FUT8: variants seen among roughly 807,000 people sequenced by gnomAD.
The protein encoded by FUT8 is fucosyltransferase 8.
Under a neutral mutation model 71.3 loss-of-function variants are expected in FUT8, and 29 were observed. The observed-to-expected ratio is 0.41, with a 90% CI of 0.30 to 0.55. The LOEUF (loss-of-function observed/expected upper bound fraction) is 0.55. FUT8 is among the 20% of genes least tolerant of loss of function. The pLI, the probability that FUT8 is intolerant of heterozygous loss-of-function variation, is 0.34. For missense variants in FUT8, 544 were observed against 702.1 expected, an observed-to-expected ratio of 0.77 and a Z score of 2.55; for synonymous variants, 254 against 239.3, an observed-to-expected ratio of 1.06 and a Z score of -0.57.
chr14:65,430,464 C>G (rs1163171018), intron 1 of FUT8, among the ~76,000 whole-genome samples: 1 of 152,082 alleles, frequency 6.6e-6, no homozygotes. Context: ...GACACTTTTT[C>G]TGTTCTGAAG....
At chr14:65,360,835 T>G in the FUT8 span, among the ~76,000 whole-genome samples, 1 of 152,124 alleles carries the variant, frequency 6.6e-6, no homozygotes, top group Non-Finnish European at 1.5e-5. Context: ...AGCACTGAAG[T>G]TGAGTTCACA....
intron 7 of FUT8, among the ~76,000 whole-genome samples, chr14:65,680,376 G>A (rs1368196360): frequency 1.3e-5 from 2 of 152,162 alleles, no homozygotes; most frequent in Non-Finnish European, 2.9e-5. Context: ...ATTTTCATGT[G>A]TCACATAAGA....
intron 1 of FUT8, among the ~76,000 whole-genome samples, chr14:65,428,787 C>T (rs1365516399): frequency 1.3e-5 from 2 of 152,160 alleles, no homozygotes; most frequent in Non-Finnish European, 2.9e-5. Context: ...GTGATTGAAA[C>T]TTGTTATGAA....
At position 65,638,675 on chromosome 14, in the gene FUT8, A is replaced by G. The variant is rs1181599625; in HGVS notation, c.597+9069A>G. 2.0e-5 allele frequency among the ~76,000 whole-genome samples: 3 copies of G among 152,184 alleles called. No homozygotes were observed. The highest frequency in any genetic ancestry group is 4.4e-5 in the Non-Finnish European group (3 of 68,026). ...ATGGAACCCCTCACTCCAACACAGG[A>G]TTTGCCTGATCTCATTTTTCTTTGA... On this transcript the variant is annotated intron_variant, in intron 6 of 10. Coordinates refer to ENST00000673929, the MANE Select transcript of FUT8 (RefSeq NM_001371533.1). This position sits in a 1 kb window ranked among gnomAD's most constrained non-coding sequence, Gnocchi z 4.5.
At chr14:65,378,081 A>G in the FUT8 span, among the ~76,000 whole-genome samples, 1 of 152,236 alleles carries the variant, frequency 6.6e-6, no homozygotes, top group Non-Finnish European at 1.5e-5. Flanking sequence ...GCTGTTACTT[A>G]TTATTTAACT....
At chr14:65,712,002 T>C (rs1894829782) in intron 7 of FUT8, among the ~76,000 whole-genome samples, 2 of 152,236 alleles carry the variant, frequency 1.3e-5, no homozygotes, top group African/African-American at 2.4e-5. Flanking sequence ...TTTAAACATA[T>C]TCTAGGTTTA....
chr14:65,676,984 G>T (rs961169023), intron 7 of FUT8, among the ~76,000 whole-genome samples: 1 of 152,046 alleles, frequency 6.6e-6, no homozygotes, highest in Non-Finnish European at 1.5e-5. Flanking sequence ...TAATTTCATG[G>T]AATAGGAAAT....
chr14:65,632,368 G>A (rs575781583), intron 6 of FUT8, among the ~76,000 whole-genome samples: 4 of 152,272 alleles, frequency 2.6e-5, no homozygotes, highest in South Asian at 2.1e-4. Flanking sequence ...TCTGATCACC[G>A]CATCCAGGCC....
At chr14:65,549,936 C>T (rs1049444141) in intron 2 of FUT8, among the ~76,000 whole-genome samples, 1 of 152,184 alleles carries the variant, frequency 6.6e-6, no homozygotes, top group Non-Finnish European at 1.5e-5. Flanking sequence ...TGGCGCGTGC[C>T]TGTAGTCCCA....
intron 5 of FUT8, among the ~76,000 whole-genome samples, 188 bp from the exon 6 acceptor site, chr14:65,629,304 G>A (rs1257707610): frequency 6.6e-6 from 1 of 152,136 alleles, no homozygotes; most frequent in Non-Finnish European, 1.5e-5. Context: ...ATTTACTATA[G>A]GAATGACTAT....
intron 7 of FUT8, among the ~76,000 whole-genome samples, chr14:65,719,014 C>G (rs145230377): frequency 6.6e-6 from 1 of 152,118 alleles, no homozygotes; most frequent in Non-Finnish European, 1.5e-5. Flanking sequence ...GTCTAGAATT[C>G]GGATGTTCTC....
At chr14:65,388,636 C>G in the FUT8 span, among the ~76,000 whole-genome samples, 3 of 152,066 alleles carry the variant, frequency 2.0e-5, no homozygotes, top group Non-Finnish European at 4.4e-5. Flanking sequence ...ATGGTGTGCA[C>G]CTGTAATCCC....
chr14:65,646,109 C>T (rs529575538), intron 6 of FUT8: 1 of 152,264 alleles, frequency 6.6e-6, no homozygotes, highest in East Asian at 1.9e-4. Flanking sequence ...TTTACAAAAA[C>T]ACATCCAGGT....
At chr14:65,554,463 A>G (rs898707316) in intron 2 of FUT8, among the ~76,000 whole-genome samples, 1 of 147,836 alleles carries the variant, frequency 6.8e-6, no homozygotes, top group Non-Finnish European at 1.5e-5. Flanking sequence ...CTATAGATCT[A>G]TATCTCATGG....
chr14:65,407,033 T>G (rs1228063730), upstream of FUT8, among the ~76,000 whole-genome samples: 1 of 152,184 alleles, frequency 6.6e-6, no homozygotes, highest in Non-Finnish European at 1.5e-5. Context: ...GCACTTAGGT[T>G]CCCGCTGTAG....
At chr14:65,567,260 A>C (rs1036191481) in intron 3 of FUT8, among the ~76,000 whole-genome samples, 1 of 151,980 alleles carries the variant, frequency 6.6e-6, no homozygotes, top group African/African-American at 2.4e-5. Flanking sequence ...TTTAAAAACC[A>C]CAAAGAATGT....
intron 9 of FUT8, among the ~76,000 whole-genome samples, chr14:65,725,521 A>G (rs1895636070): frequency 6.6e-6 from 1 of 152,236 alleles, no homozygotes; most frequent in Non-Finnish European, 1.5e-5. Context: ...ATTAAGGAGA[A>G]GAAAATTCTA....
chr14:65,653,181 G>T (rs1415227257), intron 6 of FUT8, among the ~76,000 whole-genome samples: 1 of 152,184 alleles, frequency 6.6e-6, no homozygotes, highest in Non-Finnish European at 1.5e-5. Flanking sequence ...GTGGAGAGGG[G>T]ATGGTTGTAG....
chr14:65,560,401 A>G (rs1885852202), intron 2 of FUT8, among the ~76,000 whole-genome samples: 1 of 152,128 alleles, frequency 6.6e-6, no homozygotes, highest in South Asian at 2.1e-4. Context: ...ATTGGTCTCA[A>G]ACTCTGGGTT....
Sources: gnomAD v4.1 joint callset for allele counts (sites outside exome capture counted in the v4.1 genomes callset) on GRCh38, gnomAD v4.1.1 for gene constraint, Gnocchi (gnomAD v3.1) non-coding constraint, MANE v1.5 for transcripts, NCBI Gene and HGNC (gene_info 2026-07-23, HGNC 2026-07-21) for gene names.